Variants in EPHB4 observed in about 807,000 individuals in gnomAD.
EPHB4 encodes ephrin type-B receptor 4.
Under a neutral mutation model 110.6 loss-of-function variants are expected in EPHB4, and 50 were observed. The ratio of observed to expected loss-of-function variants is 0.45; its 90% CI spans 0.36 to 0.57. EPHB4 has a LOEUF of 0.57. Ranked by LOEUF, EPHB4 falls within the 20% of genes least tolerant of loss-of-function variation. The probability of loss-of-function intolerance (pLI) is 0.00; values close to 1 mark genes in which losing one functional copy is unlikely to be tolerated. For missense variants in EPHB4, 1,128 were observed against 1,382.1 expected, an observed-to-expected ratio of 0.82 and a Z score of 2.91; for synonymous variants, 592 against 578.4, an observed-to-expected ratio of 1.02 and a Z score of -0.34.
Position 100,824,553 on chromosome 7 carries a change from G to A in EPHB4, c.53-280C>T, listed in dbSNP as rs530752408. ...AGGGAGGGAGATCAAAATGTACGGG[G>A]AGAAGGGGCGGCAGCTCAGAAAGGG... On this transcript the variant is annotated intron_variant, in intron 1 of 16. Coordinates refer to ENST00000358173, the MANE Select transcript of EPHB4 (RefSeq NM_004444.5). 7 of 430,902 alleles carry A rather than the reference G, an allele frequency of 1.6e-5. No individual in the cohort carries two copies. The Admixed American group carries it at 1.8e-4, about 11-fold the overall frequency. The allele number at this position is 430,902 out of a possible 1,614,324, so 26.7% of individuals were successfully genotyped here. A position where few individuals can be genotyped will look rare whatever the true frequency, so the allele number is the denominator to read the frequency against.
chr7:100,818,898 G>A (rs967088868), intron 6 of EPHB4, among the ~76,000 whole-genome samples: 3 of 151,888 alleles, frequency 2.0e-5, no homozygotes, highest in Non-Finnish European at 4.4e-5. Context: ...GTTTCACCAC[G>A]TTGGCCAGGC....
chr7:100,816,690 G>A (rs1186904141), intron 8 of EPHB4, among the ~76,000 whole-genome samples: 1 of 151,986 alleles, frequency 6.6e-6, no homozygotes, highest in Non-Finnish European at 1.5e-5. Context: ...GAGTGAAGCA[G>A]GCCAGACTTC....
rs779656278 is a variant in EPHB4 at position 100,813,698 on chromosome 7, T to C, written c.1710A>G (p.Arg570=). Reference sequence around the variant, plus strand: ...CGTGTTTGTCCGAATATTCTGCTTCTCTCCCATTGCTCTGCTTCCTGTAGC... The same window carrying C: ...CGTGTTTGTCCGAATATTCTGCTTCCCTCCCATTGCTCTGCTTCCTGTAGC... ...VLCLRKQSNG[R]EAEYSDKHGQ... The change falls in exon 10 of 17, where the codon AGA becomes AGG. Residue 570 remains arginine, a synonymous_variant. Coordinates refer to ENST00000358173, the MANE Select transcript of EPHB4 (RefSeq NM_004444.5). 3.7e-5 allele frequency: 60 copies of C among 1,614,006 alleles called. No homozygotes were observed. The highest frequency in any genetic ancestry group is 5.0e-5 in the Admixed American group (3 of 59,978).
intron 14 of EPHB4, 136 bp from the exon 15 acceptor site, chr7:100,805,830 T>C (rs901225302): frequency 2.3e-6 from 2 of 863,830 alleles, no homozygotes; most frequent in Non-Finnish European, 3.2e-6. Flanking sequence ...CCAGGAATCC[T>C]CCTAGCCGGA....
intron 15 of EPHB4, 44 bp from the exon 16 acceptor site, chr7:100,805,365 G>A (rs1397250484): frequency 6.2e-7 from 1 of 1,609,924 alleles, no homozygotes; most frequent in Non-Finnish European, 8.5e-7. Flanking sequence ...CCAGGCCCAG[G>A]TCCGGGGGAG....
chr7:100,806,108 G>A, intron 14 of EPHB4: 2 of 243,288 alleles, frequency 8.2e-6, no homozygotes, highest in Non-Finnish European at 1.6e-5. Flanking sequence ...ACAGGCACCC[G>A]CCCATCATGC....
Position 100,805,509 on chromosome 7 carries a change from C to A in EPHB4, c.2670G>T (p.Glu890Asp), listed in dbSNP as rs35638378. The change falls in exon 15 of 17, where the codon GAG becomes GAT. Residue 890 changes from glutamate (E) to aspartate (D), a missense_variant. Glu to Asp is a conservative substitution (Grantham distance 45, BLOSUM62 2). This residue lies in a region of EPHB4 where 209 missense variants were observed against 240.5 expected (regional missense o/e 0.87). Transcript: ENST00000358173. ...NPASLKIVAR[E>D]NGGASHPLLD... ...TTCTCTGCAGTCCTCACCCGCCATTCTCCCGGGCCACGATTTTGAGGCTGG... is the reference window on the plus strand; with the variant it reads ...TTCTCTGCAGTCCTCACCCGCCATTATCCCGGGCCACGATTTTGAGGCTGG... The A allele has an allele frequency of 7.5e-3, 11,473 of 1,521,620 alleles. 50 individuals carry two copies. The highest frequency in any genetic ancestry group is 9.1e-3 in the Non-Finnish European group (10,372 of 1,134,394). The allele number at this position is 1,521,620 out of a possible 1,614,324, so 94.3% of individuals were successfully genotyped here.
chr7:100,823,087 G>A (rs565462869), intron 3 of EPHB4, among the ~76,000 whole-genome samples: 1 of 152,260 alleles, frequency 6.6e-6, no homozygotes, highest in East Asian at 1.9e-4. Context: ...AGGAGTTAGA[G>A]ACCAGCCTGG....
At chr7:100,815,108 C>G (rs1046574205) in intron 8 of EPHB4, among the ~76,000 whole-genome samples, 1 of 151,788 alleles carries the variant, frequency 6.6e-6, no homozygotes, top group African/African-American at 2.4e-5. Context: ...TGCCTGAGCT[C>G]AGGAGTTCGA....
At chr7:100,826,907 C>T (rs1584670392) in intron 1 of EPHB4, 72 bp downstream of exon 1, 2 of 1,517,566 alleles carry the variant, frequency 1.3e-6, no homozygotes, top group Non-Finnish European at 1.8e-6. Context: ...GGCCCCTCCA[C>T]TCCGAGGCCC....
chr7:100,812,691 C>A, intron 12 of EPHB4, 56 bp downstream of exon 12: 1 of 1,572,930 alleles, frequency 6.4e-7, no homozygotes, highest in Non-Finnish European at 8.6e-7. Context: ...ACCCAAGTGG[C>A]CTCTGGGTGT....
Position 100,805,296 on chromosome 7 carries a change from G to A in EPHB4, c.2704C>T (p.Arg902Trp), listed in dbSNP as rs200953030. The A allele has an allele frequency of 1.4e-5, 23 of 1,613,684 alleles. No homozygotes were observed. In the East Asian group the frequency reaches 2.0e-4, roughly 14 times the overall value. The change falls in exon 16 of 17, where the codon CGG (arginine) becomes TGG (tryptophan). Residue 902 changes from arginine to tryptophan, a missense_variant. This residue lies in a region of EPHB4 where 209 missense variants were observed against 240.5 expected (regional missense o/e 0.87). Coordinates refer to ENST00000358173, the MANE Select transcript of EPHB4 (RefSeq NM_004444.5). Reference sequence around the variant, plus strand: ...CCAAAAGCTGAGTAGTGAGGCTGCCGCTGGTCCAGGAGAGGGTGTGAGGCC... The same window carrying A: ...CCAAAAGCTGAGTAGTGAGGCTGCCACTGGTCCAGGAGAGGGTGTGAGGCC... Reference protein sequence around the residue: ...GGASHPLLDQRQPHYSAFGSV... With the variant: ...GGASHPLLDQWQPHYSAFGSV...
chr7:100,819,503 C>T, intron 6 of EPHB4, 54 bp downstream of exon 6: 1 of 1,516,032 alleles, frequency 6.6e-7, no homozygotes, highest in Non-Finnish European at 8.9e-7. Context: ...CCTTCAGGCC[C>T]TCAGTGACAT....
At chr7:100,815,851 G>A (rs1443362804) in intron 8 of EPHB4, among the ~76,000 whole-genome samples, 5 of 152,126 alleles carry the variant, frequency 3.3e-5, no homozygotes, top group African/African-American at 4.8e-5. Flanking sequence ...AGTTGAGCAC[G>A]GTAGCACATG....
In EPHB4 at chr7:100,812,833, G is replaced by A. The variant is rs1485414415; in HGVS notation, c.2032C>T (p.Arg678Cys). 6 of 1,614,218 alleles carry A rather than the reference G, an allele frequency of 3.7e-6. No homozygotes were observed. The highest frequency in any genetic ancestry group is 4.2e-6 in the Non-Finnish European group (5 of 1,180,028). Residue 678 changes from arginine to cysteine, a missense_variant, in exon 12 of 17, where the codon CGC (arginine) becomes TGC (cysteine). Coordinates refer to ENST00000358173, the MANE Select transcript of EPHB4 (RefSeq NM_004444.5). ...MGQFEHPNII[R>C]LEGVVTNSMP... ...CTGTTGGTGACCACGCCCTCCAGGC[G>A]GATGATATTGGGGTGCTCGAACTGG...
chr7:100,803,252 G>T lies in EPHB4; in HGVS notation c.*209C>A. On this transcript the variant is annotated 3_prime_UTR_variant, in exon 17 of 17. Transcript: ENST00000358173. ...CTGAGGGAAAGGCGCCCTCACCCTTGGTCTGGAGTTCCCCGAGGTGGCTGG... is the reference window on the plus strand; with the variant it reads ...CTGAGGGAAAGGCGCCCTCACCCTTTGTCTGGAGTTCCCCGAGGTGGCTGG... The T allele has an allele frequency of 1.9e-6, 1 of 520,950 alleles. No homozygotes were observed. Among genetic ancestry groups the T allele is most frequent in the Non-Finnish European group, 3.2e-6 (1 of 313,930 alleles). The allele number at this position is 520,950 out of a possible 1,614,324, so 32.3% of individuals were successfully genotyped here. A position where few individuals can be genotyped will look rare whatever the true frequency, so the allele number is the denominator to read the frequency against.
At chr7:100,826,365 C>T (rs371563257) in intron 1 of EPHB4, among the ~76,000 whole-genome samples, 2 of 152,150 alleles carry the variant, frequency 1.3e-5, no homozygotes, top group East Asian at 1.9e-4. Flanking sequence ...GGGTCTAGAC[C>T]GCATTTAAAG....
chr7:100,825,032 GA>G (rs1813337673), intron 1 of EPHB4: 1 of 151,758 alleles, frequency 6.6e-6, no homozygotes, highest in Non-Finnish European at 1.5e-5. Flanking sequence ...GGGGGATTAG[GA>G]AAAACTGCAC....
chr7:100,820,768 C>T (rs990409012), intron 4 of EPHB4, among the ~76,000 whole-genome samples: 14 of 152,266 alleles, frequency 9.2e-5, no homozygotes, highest in Middle Eastern at 3.4e-3. Flanking sequence ...ATTTGTGCTT[C>T]TTTCTTAACA....
Sources: allele counts gnomAD v4.1 joint callset (sites outside exome capture counted in the v4.1 genomes callset), GRCh38; gene constraint gnomAD v4.1.1; regional missense constraint gnomAD v4.1.1; transcripts MANE v1.5; gene names NCBI Gene and HGNC (gene_info 2026-07-23, HGNC 2026-07-21).